Variants in ARHGAP32 observed in about 807,000 individuals in gnomAD.
The protein encoded by ARHGAP32 is Rho GTPase activating protein 32.
Under a neutral mutation model 186.5 loss-of-function variants are expected in ARHGAP32, and 51 were observed. That is an observed-to-expected ratio of 0.27 (90% CI 0.22 to 0.35). The LOEUF (loss-of-function observed/expected upper bound fraction) is 0.35, where lower values mean the gene tolerates loss of function less well. ARHGAP32 is among the 10% of genes least tolerant of loss of function. The pLI, the probability that ARHGAP32 is intolerant of heterozygous loss-of-function variation, is 1.00. For missense variants in ARHGAP32, 2,186 were observed against 2,623.5 expected, an observed-to-expected ratio of 0.83 and a Z score of 3.64; for synonymous variants, 950 against 964.3, an observed-to-expected ratio of 0.99 and a Z score of 0.27.
intron 2 of ARHGAP32, among the ~76,000 whole-genome samples, chr11:129,132,088 C>T (rs1255776492): frequency 6.6e-6 from 1 of 152,072 alleles, no homozygotes; most frequent in Non-Finnish European, 1.5e-5. Context: ...ATGCTCAGTG[C>T]AAGAGTTTTA....
At chr11:129,156,232 A>G (rs1298324920) in intron 2 of ARHGAP32, among the ~76,000 whole-genome samples, 1 of 152,124 alleles carries the variant, frequency 6.6e-6, no homozygotes, top group African/African-American at 2.4e-5. Flanking sequence ...TGGAATGCCA[A>G]CAAGACAGAA....
At chr11:129,055,628 A>G (rs1264708028) in intron 10 of ARHGAP32, among the ~76,000 whole-genome samples, 2 of 152,256 alleles carry the variant, frequency 1.3e-5, no homozygotes, top group African/African-American at 4.8e-5. Context: ...AGCCAGAGAA[A>G]GACACAGAGG....
chr11:129,157,879 C>T (rs912469657), intron 2 of ARHGAP32, among the ~76,000 whole-genome samples: 1 of 152,188 alleles, frequency 6.6e-6, no homozygotes, highest in East Asian at 1.9e-4. Context: ...GACAGCAGAG[C>T]TCTGCAGAAA....
chr11:129,162,309 A>C (rs1296853612), intron 2 of ARHGAP32, among the ~76,000 whole-genome samples: 1 of 152,188 alleles, frequency 6.6e-6, no homozygotes, highest in African/African-American at 2.4e-5. Flanking sequence ...AAAAAAATCT[A>C]AAATAAATTA....
intron 17 of ARHGAP32, among the ~76,000 whole-genome samples, 170 bp downstream of exon 17, chr11:128,981,246 T>C (rs780372857): frequency 6.6e-6 from 1 of 152,238 alleles, no homozygotes; most frequent in African/African-American, 2.4e-5. Flanking sequence ...GTATTCACTA[T>C]ATACACACAA....
intron 1 of ARHGAP32, among the ~76,000 whole-genome samples, chr11:129,229,748 A>G (rs928077688): frequency 6.6e-6 from 1 of 152,202 alleles, no homozygotes; most frequent in Non-Finnish European, 1.5e-5. Context: ...TTTCACTTGC[A>G]TCACTTTTGG....
chr11:128,979,764 G>T (rs944468244), intron 18 of ARHGAP32, among the ~76,000 whole-genome samples: 3 of 152,160 alleles, frequency 2.0e-5, no homozygotes, highest in Non-Finnish European at 4.4e-5. Flanking sequence ...CCAATCCAGA[G>T]AATCAAAATC....
At chr11:129,223,258 C>T (rs1397367198) in intron 1 of ARHGAP32, among the ~76,000 whole-genome samples, 2 of 152,114 alleles carry the variant, frequency 1.3e-5, no homozygotes, top group Non-Finnish European at 2.9e-5. Context: ...TATAAGTAGA[C>T]TGAATTTTAG....
chr11:129,138,314 AAGAAC>A lies in ARHGAP32; in HGVS notation c.226-13425_226-13421del, dbSNP rs751705099. Among the ~76,000 whole-genome samples the A allele has an allele frequency of 1.1e-4, 9 of 84,236 alleles. 1 individual carries two copies. The highest frequency in any genetic ancestry group is 1.7e-4 in the Non-Finnish European group (6 of 34,494). The allele number at this position is 84,236 out of a possible 152,430, so 55.3% of individuals were successfully genotyped here. A position where few individuals can be genotyped will look rare whatever the true frequency, so the allele number is the denominator to read the frequency against. On this transcript the variant is annotated intron_variant, in intron 2 of 22. Coordinates refer to ENST00000682385, the MANE Select transcript of ARHGAP32 (RefSeq NM_001378024.1). ...TTACTGGTAAAAAAAAAAAAAAAAA[AAGAAC>A]AATGCCGTCTTAAAAAGTAGAGCAT...
At chr11:129,112,054 T>C (rs1458047512) in intron 5 of ARHGAP32, among the ~76,000 whole-genome samples, 2 of 151,996 alleles carry the variant, frequency 1.3e-5, no homozygotes, top group African/African-American at 4.8e-5. Flanking sequence ...ACCAGCCTGA[T>C]CAATAAGGTG....
chr11:128,978,856 T>C lies in ARHGAP32; in HGVS notation c.2036A>G (p.Asn679Ser), dbSNP rs765139019. 4.3e-6 allele frequency: 7 copies of C among 1,612,760 alleles called. No homozygotes were observed. The highest frequency in any genetic ancestry group is 5.9e-6 in the Non-Finnish European group (7 of 1,179,516). ...AGAAACAGATGATGATTTCCCCAAG[T>C]TGAAAAAGGAACGCCAGCTACCCAC... Reference protein sequence around the residue: ...SPVGSWRSFFNLGKSSSVSKR... With the variant: ...SPVGSWRSFFSLGKSSSVSKR... Residue 679 changes from asparagine to serine, a missense_variant, in exon 19 of 23, where the codon AAC (asparagine) becomes AGC (serine). Asn to Ser is a conservative substitution (Grantham distance 46, BLOSUM62 1). Coordinates refer to ENST00000682385, the MANE Select transcript of ARHGAP32 (RefSeq NM_001378024.1).
intron 2 of ARHGAP32, among the ~76,000 whole-genome samples, chr11:129,161,743 C>A (rs1943534458): frequency 6.6e-6 from 1 of 152,160 alleles, no homozygotes; most frequent in Admixed American, 6.5e-5. Flanking sequence ...TGCGGCGATT[C>A]CTCAAGGATC....
intron 1 of ARHGAP32, among the ~76,000 whole-genome samples, chr11:129,222,254 C>T (rs1490684419): frequency 6.6e-6 from 1 of 152,148 alleles, no homozygotes; most frequent in Non-Finnish European, 1.5e-5. Flanking sequence ...TGATAATTAA[C>T]TTGGTCCAGT....
chr11:129,180,605 T>G (rs1364047544), intron 1 of ARHGAP32, among the ~76,000 whole-genome samples: 4 of 152,080 alleles, frequency 2.6e-5, no homozygotes, highest in Admixed American at 2.6e-4. Flanking sequence ...AATAAGAAAT[T>G]TAGTATCCAT....
intron 1 of ARHGAP32, among the ~76,000 whole-genome samples, chr11:129,227,696 A>G (rs1010452465): frequency 3.3e-5 from 5 of 152,158 alleles, no homozygotes; most frequent in Admixed American, 6.5e-5. Context: ...TTAGAATGAT[A>G]GAGGTAAATT....
intron 1 of ARHGAP32, among the ~76,000 whole-genome samples, chr11:129,236,299 T>C (rs1944933828): frequency 6.6e-6 from 1 of 152,208 alleles, no homozygotes; most frequent in African/African-American, 2.4e-5. Context: ...GTGGTTTTGA[T>C]TTGCATTTCT....
intron 11 of ARHGAP32, among the ~76,000 whole-genome samples, chr11:129,002,949 C>T (rs1787946298): frequency 6.6e-6 from 1 of 151,030 alleles, no homozygotes; most frequent in South Asian, 2.1e-4. Context: ...GCTGGGACTA[C>T]AGGCACCCGC....
intron 1 of ARHGAP32, among the ~76,000 whole-genome samples, chr11:129,170,089 CGAAT>C (rs1943726299): frequency 6.6e-6 from 1 of 151,514 alleles, no homozygotes; most frequent in Admixed American, 6.6e-5. Context: ...GGATAGTGAC[CGAAT>C]GAGTTTTAGT....
chr11:129,080,557 A>G (rs1454236038), intron 6 of ARHGAP32, among the ~76,000 whole-genome samples: 2 of 152,188 alleles, frequency 1.3e-5, no homozygotes, highest in Non-Finnish European at 2.9e-5. Flanking sequence ...GAACTGAACG[A>G]TAACAGAGAC....
Sources: allele counts gnomAD v4.1 joint callset (sites outside exome capture counted in the v4.1 genomes callset), GRCh38; gene constraint gnomAD v4.1.1; transcripts MANE v1.5; gene names NCBI Gene and HGNC (gene_info 2026-07-23, HGNC 2026-07-21).